The following NTN4 variants were observed in gnomAD, a reference collection of about 807,000 sequenced individuals.
NTN4 encodes the protein netrin-4.
Under a neutral mutation model 73.6 loss-of-function variants are expected in NTN4, and 32 were observed. The observed-to-expected ratio is 0.44, with a 90% CI of 0.33 to 0.58. The LOEUF (loss-of-function observed/expected upper bound fraction) is 0.58, where lower values mean the gene tolerates loss of function less well. Among genes scored for constraint, NTN4 ranks in the 20% least tolerant of loss-of-function variants. The pLI, the probability that NTN4 is intolerant of heterozygous loss-of-function variation, is 0.04. For synonymous variants in NTN4, 258 were observed against 287.5 expected, an observed-to-expected ratio of 0.90 and a Z score of 1.04; for missense variants, 654 against 798.3, an observed-to-expected ratio of 0.82 and a Z score of 2.18.
chr12:95,719,744 T>C (rs2078632916), intron 3 of NTN4, among the ~76,000 whole-genome samples: 1 of 152,208 alleles, frequency 6.6e-6, no homozygotes, highest in South Asian at 2.1e-4. Context: ...CATGTTTTAA[T>C]TTAACAGAAG....
intron 8 of NTN4, among the ~76,000 whole-genome samples, chr12:95,667,624 G>A (rs992163429): frequency 1.3e-5 from 2 of 152,060 alleles, no homozygotes; most frequent in African/African-American, 4.8e-5. Flanking sequence ...GGAGGCTGAG[G>A]TAGGCGGATC....
At chr12:95,768,273 T>C (rs2079033668) in intron 2 of NTN4, among the ~76,000 whole-genome samples, 1 of 152,158 alleles carries the variant, frequency 6.6e-6, no homozygotes, top group African/African-American at 2.4e-5. Context: ...ACGTGTACAC[T>C]GCACCTAACC....
intron 7 of NTN4, among the ~76,000 whole-genome samples, chr12:95,679,976 G>A (rs1467065600): frequency 6.6e-6 from 1 of 152,066 alleles, no homozygotes; most frequent in Admixed American, 6.6e-5. Context: ...CACCTGTATA[G>A]CTAGCCTTCT....
rs2078110684 is a variant in NTN4, at chr12:95,658,663, T to C, written c.*423A>G. The C allele has an allele frequency of 1.3e-5, 2 of 153,978 alleles. No individual in the cohort carries two copies. The highest frequency in any genetic ancestry group is 4.8e-5 in the African/African-American group (2 of 41,492). 9.5% of individuals were successfully genotyped at this position (153,978 alleles called of 1,614,324 possible). On this transcript the variant is annotated 3_prime_UTR_variant, in exon 10 of 10. Coordinates refer to ENST00000343702, the MANE Select transcript of NTN4 (RefSeq NM_021229.4). ...ATGCGTAACACACAAGAGAAGGCTCTTTAACAAACACCTTTTCTGATAGTA... is the reference window on the plus strand; with the variant it reads ...ATGCGTAACACACAAGAGAAGGCTCCTTAACAAACACCTTTTCTGATAGTA...
Position 95,682,792 on chromosome 12 carries a change from A to G in NTN4, c.1425T>C (p.Val475=), listed in dbSNP as rs372247817. Residue 475 remains valine (V), a synonymous_variant, in exon 7 of 10, where the codon GTT becomes GTC. Coordinates refer to ENST00000343702, the MANE Select transcript of NTN4 (RefSeq NM_021229.4). ...TATTGTGCACGGGACGGAAGTCAGG[A>G]ACTTCATGATACCAGTCTATGTCTG... ...SHTDIDWYHE[V]PDFRPVHNKS... The G allele has an allele frequency of 2.5e-5, 41 of 1,613,486 alleles. No individual in the cohort carries two copies. The African/African-American group carries it at 5.1e-4, about 20-fold the overall frequency.
chr12:95,710,308 A>G, intron 5 of NTN4, 133 bp downstream of exon 5: 1 of 646,324 alleles, frequency 1.5e-6, no homozygotes, highest in Non-Finnish European at 2.5e-6. Flanking sequence ...CAATGAAGAA[A>G]TTAACCGATA....
At chr12:95,748,831 A>T (rs1048017802) in intron 2 of NTN4, among the ~76,000 whole-genome samples, 13 of 152,128 alleles carry the variant, frequency 8.5e-5, no homozygotes, top group African/African-American at 3.1e-4. Context: ...TTGGAATAGG[A>T]TCTATAGTGA....
intron 8 of NTN4, 89 bp downstream of exon 8, chr12:95,669,989 T>C: frequency 1.5e-6 from 1 of 675,564 alleles, no homozygotes; most frequent in South Asian, 2.2e-5. Context: ...TTATACACAA[T>C]GTCATCAGTC....
At chr12:95,668,143 G>GT (rs36080777) in intron 8 of NTN4, among the ~76,000 whole-genome samples, 20,827 of 136,168 alleles carry the variant, frequency 0.15, 1,724 homozygotes, top group African/African-American at 0.23. Flanking sequence ...TAAGTCAAGT[G>GT]TTTTTTTTTT....
Position 95,787,297 on chromosome 12 carries a change from T to C in NTN4, c.227A>G (p.Lys76Arg). Residue 76 changes from lysine to arginine, a missense_variant, in exon 2 of 10, where the codon AAA becomes AGA. Coordinates refer to ENST00000343702, the MANE Select transcript of NTN4 (RefSeq NM_021229.4). ...ENTDLTCRQP[K>R]CDKCNAAYPH... ...ATAGGCAGCATTGCACTTGTCACAT[T>C]TGGGCTGCCGACAAGTCAGATCCGT... The C allele has an allele frequency of 3.1e-6, 5 of 1,614,206 alleles. No homozygotes were observed. Among genetic ancestry groups the C allele is most frequent in the East Asian group, 2.2e-5 (1 of 44,886 alleles).
intron 2 of NTN4, among the ~76,000 whole-genome samples, chr12:95,749,269 A>G (rs1298619336): frequency 6.6e-6 from 1 of 152,190 alleles, no homozygotes; most frequent in Non-Finnish European, 1.5e-5. Context: ...GTCTCTTCAC[A>G]TGGACGCGCA....
chr12:95,683,068 T>TTTTG (rs1234171383), intron 6 of NTN4, among the ~76,000 whole-genome samples: 2 of 152,084 alleles, frequency 1.3e-5, no homozygotes, highest in Non-Finnish European at 1.5e-5. Context: ...TTTTGTTTTG[T>TTTTG]TTTGTTTTAA....
chr12:95,678,010 A>G (rs1195035641), intron 7 of NTN4, among the ~76,000 whole-genome samples: 1 of 152,236 alleles, frequency 6.6e-6, no homozygotes, highest in Non-Finnish European at 1.5e-5. Flanking sequence ...GCAGCCATAA[A>G]AAAGGATGAG....
chr12:95,683,746 G>A, intron 5 of NTN4, 35 bp from the exon 6 acceptor site: 3 of 1,516,176 alleles, frequency 2.0e-6, no homozygotes, highest in Non-Finnish European at 2.7e-6. Context: ...ATCAAAGACT[G>A]ACTGTAGATC....
chr12:95,790,641 C>A lies in NTN4; in HGVS notation c.-332G>T. On this transcript the variant is annotated 5_prime_UTR_variant, in exon 1 of 10. Coordinates refer to ENST00000343702, the MANE Select transcript of NTN4 (RefSeq NM_021229.4). The surrounding 1 kb of genome is among the most constrained non-coding windows in gnomAD (Gnocchi z 6.5). The stretch of plus-strand genomic sequence containing the variant: ...TGCCGCTAGCCCGGGGCTCGGCGCC[C>A]GCAGCCGCCGCTGAACTTTGCGAGA... 1.1e-5 allele frequency: 2 copies of A among 190,112 alleles called. No homozygotes were observed. The highest frequency in any genetic ancestry group is 3.5e-4 in the South Asian group (2 of 5,682). 11.8% of individuals were successfully genotyped at this position (190,112 alleles called of 1,614,324 possible).
At chr12:95,741,770 GTC>G (rs201565532) in intron 2 of NTN4, among the ~76,000 whole-genome samples, 15 of 149,744 alleles carry the variant, frequency 1.0e-4, no homozygotes, top group East Asian at 3.9e-4. Flanking sequence ...TGTAAATGTG[GTC>G]TCTCTCTCTC....
intron 3 of NTN4, among the ~76,000 whole-genome samples, chr12:95,718,655 C>T (rs11108210): frequency 0.17 from 25,513 of 152,028 alleles, 2,409 homozygotes; most frequent in South Asian, 0.22. Flanking sequence ...GAAAATCAAA[C>T]GAGGAAGAGC....
At chr12:95,729,628 AGAGAGTGTGTGTGTGT>A (rs1257705741) in intron 3 of NTN4, among the ~76,000 whole-genome samples, 4 of 102,192 alleles carry the variant, frequency 3.9e-5, no homozygotes, top group Non-Finnish European at 6.4e-5. Flanking sequence ...AGAGAGAGAG[AGAGAGTGTGTGTGTGT>A]GTGTGTGTGT....
intron 2 of NTN4, among the ~76,000 whole-genome samples, chr12:95,738,578 G>A (rs2078799450): frequency 6.6e-6 from 1 of 152,206 alleles, no homozygotes; most frequent in African/African-American, 2.4e-5. Context: ...AGATAGACAT[G>A]AATGGAGCCC....
Sources: gnomAD v4.1 joint callset for allele counts (sites outside exome capture counted in the v4.1 genomes callset) on GRCh38, gnomAD v4.1.1 for gene constraint, Gnocchi (gnomAD v3.1) non-coding constraint, MANE v1.5 for transcripts, NCBI Gene and HGNC (gene_info 2026-07-23, HGNC 2026-07-21) for gene names.